The following RBFOX1 variants were observed in gnomAD, a reference collection of about 807,000 sequenced individuals.
RBFOX1 encodes RNA binding fox-1 homolog 1.
In RBFOX1, 8 loss-of-function variants were observed where a neutral mutation model predicts 57.7. The observed-to-expected ratio is 0.14, with a 90% CI of 0.08 to 0.25. The LOEUF (loss-of-function observed/expected upper bound fraction) is 0.25, where lower values mean the gene tolerates loss of function less well. Ranked by LOEUF, RBFOX1 falls within the 10% of genes least tolerant of loss-of-function variation. The pLI is 1.00. For synonymous variants in RBFOX1, 326 were observed against 222.4 expected (o/e 1.47, Z -4.15); for missense variants, 611 against 548.5 (o/e 1.11, Z -1.14).
chr16:7,289,563 C>A (rs1426072709), intron 4 of RBFOX1, among the ~76,000 whole-genome samples: 1 of 152,044 alleles, frequency 6.6e-6, no homozygotes, highest in Non-Finnish European at 1.5e-5. Flanking sequence ...TAATGATGAT[C>A]ATCATGATTA....
intron 2 of RBFOX1, among the ~76,000 whole-genome samples, chr16:6,549,840 A>C (rs796537894): frequency 4.6e-5 from 7 of 152,104 alleles, no homozygotes; most frequent in African/African-American, 1.7e-4. Flanking sequence ...TCCTAAAACA[A>C]AAGGAAACAC....
intron 4 of RBFOX1, among the ~76,000 whole-genome samples, chr16:7,327,713 G>A (rs922161338): frequency 7.2e-5 from 11 of 152,216 alleles, no homozygotes; most frequent in African/African-American, 2.4e-4. Flanking sequence ...ATGATTATTG[G>A]TACAAAGAAA....
intron 1 of RBFOX1, chr16:6,037,429 C>G (rs2095379424): frequency 6.7e-6 from 1 of 149,768 alleles, no homozygotes; most frequent in Non-Finnish European, 1.5e-5. Context: ...CCTTAGTAAA[C>G]TTTTGTAATA....
chr16:7,037,110 A>G (rs2044710482), intron 3 of RBFOX1, among the ~76,000 whole-genome samples: 1 of 151,918 alleles, frequency 6.6e-6, no homozygotes, highest in African/African-American at 2.4e-5. Context: ...TTTACTGCAA[A>G]CTGTTCTATC....
intron 4 of RBFOX1, among the ~76,000 whole-genome samples, chr16:5,913,307 G>A (rs1259500435): frequency 6.6e-6 from 1 of 152,180 alleles, no homozygotes; most frequent in Non-Finnish European, 1.5e-5. Flanking sequence ...GGGTTGATAT[G>A]ATTTGAATAT....
At chr16:6,900,576 T>C (rs2153408642) in intron 3 of RBFOX1, among the ~76,000 whole-genome samples, 1 of 152,336 alleles carries the variant, frequency 6.6e-6, no homozygotes, top group South Asian at 2.1e-4. Flanking sequence ...AGAGCCTTTT[T>C]AGTCTTTTCC....
At chr16:7,669,968 C>T (rs918737191) in intron 13 of RBFOX1, among the ~76,000 whole-genome samples, 14 of 152,204 alleles carry the variant, frequency 9.2e-5, no homozygotes, top group Non-Finnish European at 1.5e-4. Context: ...ACCTGTATTA[C>T]GTCATCTCTC....
At chr16:6,739,222 T>G (rs566661482) in intron 3 of RBFOX1, among the ~76,000 whole-genome samples, 46 of 150,840 alleles carry the variant, frequency 3.0e-4, no homozygotes, top group African/African-American at 1.0e-3. Context: ...AATGGCAAAC[T>G]TCTAGTAGGG....
intron 4 of RBFOX1, among the ~76,000 whole-genome samples, chr16:7,219,543 T>A (rs2092557376): frequency 6.6e-6 from 1 of 152,190 alleles, no homozygotes; most frequent in Non-Finnish European, 1.5e-5. Flanking sequence ...GAAACAAATA[T>A]GACAGACTTG....
chr16:6,649,312 A>C (rs534302180), intron 2 of RBFOX1, among the ~76,000 whole-genome samples: 2 of 152,300 alleles, frequency 1.3e-5, no homozygotes, highest in African/African-American at 2.4e-5. Flanking sequence ...TGTTGTGTAT[A>C]TATACCACAT....
At chr16:7,186,270 A>G (rs1180675389) in intron 4 of RBFOX1, among the ~76,000 whole-genome samples, 1 of 129,612 alleles carries the variant, frequency 7.7e-6, no homozygotes, top group Non-Finnish European at 1.6e-5. Context: ...ATATAAACAT[A>G]AACATAAACA....
intron 4 of RBFOX1, among the ~76,000 whole-genome samples, chr16:7,319,076 T>C (rs1176767746): frequency 6.6e-6 from 1 of 152,194 alleles, no homozygotes; most frequent in Non-Finnish European, 1.5e-5. Flanking sequence ...TTTTCTTCTT[T>C]CTTTGTTTTT....
chr16:7,672,881 A>AAAAAAAAG (rs2071989723), intron 13 of RBFOX1, among the ~76,000 whole-genome samples: 1 of 149,924 alleles, frequency 6.7e-6, no homozygotes, highest in Non-Finnish European at 1.5e-5. Flanking sequence ...AAAAAAAAAA[A>AAAAAAAAG]AAAAAAAGAA....
chr16:7,630,652 T>A lies in RBFOX1; in HGVS notation c.726T>A (p.Ser242Arg). ...QANQEGSSMY[S>R]APSSLVYTSA... The stretch of plus-strand genomic sequence containing the variant: ...ACCAGGAGGGATCTTCCATGTACAG[T>A]GCCCCCAGTTCACTTGTATATACTT... The change falls in exon 11 of 16, where the codon AGT (serine) becomes AGA (arginine). Residue 242 changes from serine to arginine, a missense_variant. Coordinates refer to ENST00000550418, the MANE Select transcript of RBFOX1 (RefSeq NM_018723.4). 6 of 1,614,202 alleles carry A rather than the reference T, an allele frequency of 3.7e-6. No individual in the cohort carries two copies. Among genetic ancestry groups the A allele is most frequent in the Non-Finnish European group, 5.1e-6 (6 of 1,180,048 alleles).
chr16:6,721,566 A>C (rs2065999150), intron 3 of RBFOX1, among the ~76,000 whole-genome samples: 1 of 152,114 alleles, frequency 6.6e-6, no homozygotes, highest in Admixed American at 6.5e-5. Flanking sequence ...TGGAAGCTTT[A>C]TGTTTGTTAA....
intron 4 of RBFOX1, among the ~76,000 whole-genome samples, chr16:7,110,895 G>T (rs2064614119): frequency 6.6e-6 from 1 of 152,130 alleles, no homozygotes; most frequent in Admixed American, 6.5e-5. Context: ...CTGTGATATA[G>T]AATTAAGATT....
At chr16:6,364,627 G>A (rs1568025083) in intron 2 of RBFOX1, among the ~76,000 whole-genome samples, 1 of 152,168 alleles carries the variant, frequency 6.6e-6, no homozygotes, top group East Asian at 1.9e-4. Flanking sequence ...TCATATAGAG[G>A]ATCTTTGTGG....
intron 2 of RBFOX1, among the ~76,000 whole-genome samples, chr16:6,497,967 G>T (rs2095817756): frequency 6.6e-6 from 1 of 152,102 alleles, no homozygotes; most frequent in Non-Finnish European, 1.5e-5. Context: ...GACAATTCCA[G>T]GCCAGGCACA....
chr16:5,967,781 G>A (rs1342408228), intron 4 of RBFOX1, among the ~76,000 whole-genome samples: 2 of 152,038 alleles, frequency 1.3e-5, no homozygotes, highest in Non-Finnish European at 2.9e-5. Flanking sequence ...TATACACACA[G>A]GCTCAGAATT....
Sources: allele counts gnomAD v4.1 joint callset (sites outside exome capture counted in the v4.1 genomes callset), GRCh38; gene constraint gnomAD v4.1.1; transcripts MANE v1.5; gene names NCBI Gene and HGNC (gene_info 2026-07-23, HGNC 2026-07-21).